Variants in GALNT17 observed in about 807,000 individuals in gnomAD.
GALNT17 encodes the protein UDP-GalNAc:polypeptide N-acetylgalactosaminyltransferase-like 3.
In GALNT17, 29 loss-of-function variants were observed where a neutral mutation model predicts 63.7. The observed-to-expected ratio is 0.46, with a 90% CI of 0.34 to 0.62. The LOEUF (loss-of-function observed/expected upper bound fraction) is 0.62. GALNT17 is among the 20% of genes least tolerant of loss of function. The pLI is 0.01. For missense variants in GALNT17, 603 were observed against 799.6 expected (o/e 0.75, Z 2.97); for synonymous variants, 305 against 318.3 (o/e 0.96, Z 0.45).
chr7:71,673,623 G>A (rs978568559), intron 8 of GALNT17, among the ~76,000 whole-genome samples: 3 of 152,058 alleles, frequency 2.0e-5, no homozygotes, highest in African/African-American at 7.2e-5. Flanking sequence ...TACTAAAAAG[G>A]AAATAATAAA....
intron 9 of GALNT17, among the ~76,000 whole-genome samples, chr7:71,694,293 G>A (rs1389933241): frequency 6.6e-6 from 1 of 152,092 alleles, no homozygotes; most frequent in East Asian, 1.9e-4. Flanking sequence ...TGAGATTTGG[G>A]TGGGGACAGA....
chr7:71,561,953 G>GT lies in GALNT17; in HGVS notation c.963-9326dup, dbSNP rs1789263102. Among the ~76,000 whole-genome samples, 6 of 151,616 alleles carry GT rather than the reference G, an allele frequency of 4.0e-5. No homozygotes were observed. The South Asian group carries it at 1.3e-3, about 32-fold the overall frequency. On this transcript the variant is annotated intron_variant, in intron 5 of 10. Transcript: ENST00000333538. ...GCTATGGATCAGCAGATTTTGTTTT[G>GT]TTTTTTGTCTTTTTTTTTTTGAGAT...
chr7:71,606,087 G>T (rs1364035362), intron 6 of GALNT17, among the ~76,000 whole-genome samples: 2 of 151,302 alleles, frequency 1.3e-5, no homozygotes, highest in African/African-American at 4.9e-5. Flanking sequence ...CTACTGGTGT[G>T]TACCACCACA....
intron 6 of GALNT17, among the ~76,000 whole-genome samples, chr7:71,623,158 T>C (rs1262882364): frequency 6.6e-6 from 1 of 152,150 alleles, no homozygotes; most frequent in Non-Finnish European, 1.5e-5. Context: ...GTGAAAATCA[T>C]CAAACTTCCT....
At chr7:71,314,338 G>A (rs7797409) in intron 1 of GALNT17, among the ~76,000 whole-genome samples, 92,081 of 151,832 alleles carry the variant, frequency 0.61, 28,056 homozygotes, top group African/African-American at 0.63. Flanking sequence ...GGCAATGTAA[G>A]TATGACATTT....
chr7:71,160,415 A>G (rs1335757012), intron 1 of GALNT17, among the ~76,000 whole-genome samples: 5 of 152,216 alleles, frequency 3.3e-5, no homozygotes, highest in Non-Finnish European at 7.3e-5. Flanking sequence ...ATAGGCAGAT[A>G]CATAGTAGGC....
At chr7:71,379,677 G>A (rs1419153469) in intron 2 of GALNT17, among the ~76,000 whole-genome samples, 2 of 152,108 alleles carry the variant, frequency 1.3e-5, no homozygotes, top group East Asian at 3.9e-4. Flanking sequence ...CAGGGTGGTG[G>A]CCTTCAGCAA....
intron 5 of GALNT17, among the ~76,000 whole-genome samples, chr7:71,509,996 G>A (rs1438393465): frequency 6.6e-6 from 1 of 151,716 alleles, no homozygotes; most frequent in Non-Finnish European, 1.5e-5. Context: ...TCAACCTGGA[G>A]TACAGTGGTG....
chr7:71,424,202 G>T (rs534076573), intron 5 of GALNT17, among the ~76,000 whole-genome samples: 1 of 152,282 alleles, frequency 6.6e-6, no homozygotes, highest in East Asian at 1.9e-4. Flanking sequence ...AGCTTTAATG[G>T]CGAGTGCTTG....
intron 1 of GALNT17, among the ~76,000 whole-genome samples, chr7:71,181,823 T>C (rs1273636247): frequency 6.7e-6 from 1 of 149,386 alleles, no homozygotes; most frequent in Non-Finnish European, 1.5e-5. Flanking sequence ...GCTACAGTGA[T>C]CTGTGATGGC....
intron 5 of GALNT17, among the ~76,000 whole-genome samples, chr7:71,551,175 C>T (rs533147034): frequency 6.6e-6 from 1 of 152,228 alleles, no homozygotes; most frequent in Admixed American, 6.5e-5. Context: ...CTTCATTCTT[C>T]ATAGTTTCTT....
chr7:71,440,717 A>G (rs1012392695), intron 5 of GALNT17, among the ~76,000 whole-genome samples: 1 of 152,062 alleles, frequency 6.6e-6, no homozygotes, highest in Non-Finnish European at 1.5e-5. Flanking sequence ...CTGGTCCTCC[A>G]CGAATTATTA....
intron 1 of GALNT17, among the ~76,000 whole-genome samples, chr7:71,294,066 G>T (rs1402131405): frequency 6.6e-6 from 1 of 151,810 alleles, no homozygotes; most frequent in Non-Finnish European, 1.5e-5. Context: ...GGAGGCTGAG[G>T]CAGGAGAATG....
At chr7:71,388,133 G>T in intron 2 of GALNT17, 102 bp from the exon 3 acceptor site, 1 of 1,288,150 alleles carries the variant, frequency 7.8e-7, no homozygotes, top group South Asian at 1.4e-5. Flanking sequence ...GCCTTGGGAC[G>T]ACTGGATGAG....
chr7:71,571,710 T>A (rs769073904), intron 6 of GALNT17, among the ~76,000 whole-genome samples: 1 of 152,092 alleles, frequency 6.6e-6, no homozygotes, highest in African/African-American at 2.4e-5. Flanking sequence ...TCTTAAATGA[T>A]CTCCTTAAAT....
chr7:71,670,191 C>T (rs1439368300), intron 8 of GALNT17, 82 bp downstream of exon 8: 17 of 1,577,942 alleles, frequency 1.1e-5, no homozygotes, highest in South Asian at 2.3e-5. Flanking sequence ...AATAGAGTTG[C>T]TCATTCATTC....
chr7:71,514,656 T>C (rs1420126408), intron 5 of GALNT17, among the ~76,000 whole-genome samples: 1 of 152,202 alleles, frequency 6.6e-6, no homozygotes, highest in Non-Finnish European at 1.5e-5. Flanking sequence ...TGAAATGTGT[T>C]CTAATCTTAA....
chr7:71,552,564 C>A (rs1013366214), intron 5 of GALNT17, among the ~76,000 whole-genome samples: 2 of 151,730 alleles, frequency 1.3e-5, no homozygotes, highest in African/African-American at 4.8e-5. Context: ...TCTCAGCCCC[C>A]CTCGTAGCTA....
intron 4 of GALNT17, among the ~76,000 whole-genome samples, chr7:71,419,851 G>T (rs770335315): frequency 1.3e-5 from 2 of 152,228 alleles, no homozygotes; most frequent in African/African-American, 2.4e-5. Flanking sequence ...CTTATATGGT[G>T]TGTGCAGAAG....
Sources: allele counts gnomAD v4.1 joint callset (sites outside exome capture counted in the v4.1 genomes callset), GRCh38; gene constraint gnomAD v4.1.1; transcripts MANE v1.5; gene names NCBI Gene and HGNC (gene_info 2026-07-23, HGNC 2026-07-21).